GALNT13: variants seen among roughly 807,000 people sequenced by gnomAD.
GALNT13 encodes the protein UDP-GalNAc:polypeptide N-acetylgalactosaminyltransferase 13.
Under a neutral mutation model 64.2 loss-of-function variants are expected in GALNT13, and 28 were observed. That is an observed-to-expected ratio of 0.44 (90% CI 0.32 to 0.60). GALNT13 has a LOEUF of 0.60. Ranked by LOEUF, GALNT13 falls within the 20% of genes least tolerant of loss-of-function variation. GALNT13 has a pLI of 0.05. For synonymous variants in GALNT13, 214 were observed against 224.6 expected (o/e 0.95, Z 0.42); for missense variants, 577 against 669.8 (o/e 0.86, Z 1.53).
the GALNT13 span, among the ~76,000 whole-genome samples, chr2:153,742,884 AG>A: frequency 2.1e-3 from 316 of 148,248 alleles, 1 homozygote; most frequent in Middle Eastern, 7.0e-3. Flanking sequence ...GAAACATACT[AG>A]TGCAGTTGTT....
At chr2:153,213,813 G>A in the GALNT13 span, among the ~76,000 whole-genome samples, 5 of 152,156 alleles carry the variant, frequency 3.3e-5, no homozygotes, top group African/African-American at 1.2e-4. Flanking sequence ...ATGACAAATT[G>A]TAGGGCATTC....
At chr2:153,645,917 C>T in the GALNT13 span, among the ~76,000 whole-genome samples, 1 of 152,050 alleles carries the variant, frequency 6.6e-6, no homozygotes, top group African/African-American at 2.4e-5. Flanking sequence ...TAGTATTTTA[C>T]ACAAAATGTT....
chr2:154,253,151 G>T (rs1389594167), intron 7 of GALNT13, among the ~76,000 whole-genome samples: 1 of 152,098 alleles, frequency 6.6e-6, no homozygotes, highest in Non-Finnish European at 1.5e-5. Flanking sequence ...TGAAACTGAG[G>T]CACAGAGTTT....
chr2:154,094,132 G>A (rs1701957868), intron 3 of GALNT13, among the ~76,000 whole-genome samples: 1 of 151,778 alleles, frequency 6.6e-6, no homozygotes, highest in African/African-American at 2.4e-5. Flanking sequence ...TTTTTCCCAG[G>A]CCGATTTCTT....
At chr2:153,944,691 C>T in intron 3 of GALNT13, 52 bp downstream of exon 3, 2 of 1,462,820 alleles carry the variant, frequency 1.4e-6, no homozygotes, top group Non-Finnish European at 1.9e-6. Flanking sequence ...AAAAGTGGTG[C>T]CTTGACAAAA....
intron 3 of GALNT13, among the ~76,000 whole-genome samples, chr2:154,034,192 A>G (rs1698518106): frequency 6.6e-6 from 1 of 152,204 alleles, no homozygotes; most frequent in African/African-American, 2.4e-5. Context: ...AGCTTTATTT[A>G]TAATCACCAA....
intron 1 of GALNT13, among the ~76,000 whole-genome samples, chr2:153,889,007 C>T (rs992048558): frequency 3.9e-5 from 6 of 151,948 alleles, no homozygotes; most frequent in Non-Finnish European, 5.9e-5. Context: ...GTATTCTTCA[C>T]GAGCATGAAA....
At chr2:154,123,362 C>T (rs1243525597) in intron 3 of GALNT13, among the ~76,000 whole-genome samples, 1 of 151,920 alleles carries the variant, frequency 6.6e-6, no homozygotes, top group Non-Finnish European at 1.5e-5. Flanking sequence ...CTTGTTGATG[C>T]TACTATTATG....
At chr2:153,274,379 T>C in the GALNT13 span, among the ~76,000 whole-genome samples, 2 of 152,116 alleles carry the variant, frequency 1.3e-5, no homozygotes, top group Non-Finnish European at 2.9e-5. Flanking sequence ...TCTTGCTGTC[T>C]TGCACCACAA....
At chr2:154,216,687 T>G (rs1688059592) in intron 4 of GALNT13, among the ~76,000 whole-genome samples, 1 of 151,994 alleles carries the variant, frequency 6.6e-6, no homozygotes, top group African/African-American at 2.4e-5. Context: ...AGATTTATAT[T>G]CATGCCCATC....
chr2:153,092,466 C>T, the GALNT13 span, among the ~76,000 whole-genome samples: 3 of 152,096 alleles, frequency 2.0e-5, no homozygotes, highest in Non-Finnish European at 2.9e-5. Flanking sequence ...TGCTTCCAAT[C>T]CAAGAATGTG....
the GALNT13 span, among the ~76,000 whole-genome samples, chr2:153,383,201 A>G: frequency 6.6e-6 from 1 of 152,070 alleles, no homozygotes; most frequent in African/African-American, 2.4e-5. Context: ...TTTCTGGGGG[A>G]AAAATACAGC....
chr2:153,349,646 C>T, the GALNT13 span, among the ~76,000 whole-genome samples: 1 of 152,098 alleles, frequency 6.6e-6, no homozygotes, highest in East Asian at 1.9e-4. Flanking sequence ...TTGTATACTG[C>T]CAATGTGGAA....
At chr2:154,300,921 T>C (rs1239203785) in intron 8 of GALNT13, among the ~76,000 whole-genome samples, 1 of 152,184 alleles carries the variant, frequency 6.6e-6, no homozygotes, top group African/African-American at 2.4e-5. Flanking sequence ...CTTGAGCACC[T>C]ATAAAGGTGC....
At chr2:153,702,381 G>A in the GALNT13 span, among the ~76,000 whole-genome samples, 1 of 151,996 alleles carries the variant, frequency 6.6e-6, no homozygotes, top group Admixed American at 6.6e-5. Context: ...AAGATGATGG[G>A]TTAATAGGTG....
chr2:153,462,632 T>C, the GALNT13 span, among the ~76,000 whole-genome samples: 13 of 152,094 alleles, frequency 8.5e-5, no homozygotes, highest in African/African-American at 3.1e-4. Flanking sequence ...ACCAAAGTCA[T>C]TTCACACTCA....
the GALNT13 span, among the ~76,000 whole-genome samples, chr2:153,860,045 C>T: frequency 6.6e-6 from 1 of 151,948 alleles, no homozygotes; most frequent in African/African-American, 2.4e-5. Context: ...CTATATAATC[C>T]ACTTCTCAAT....
At chr2:153,424,691 G>C in the GALNT13 span, among the ~76,000 whole-genome samples, 5 of 151,814 alleles carry the variant, frequency 3.3e-5, no homozygotes. Context: ...CAGAAATTTG[G>C]TAGAGTAGTT....
chr2:153,542,867 AT>A, the GALNT13 span, among the ~76,000 whole-genome samples: 1 of 152,180 alleles, frequency 6.6e-6, no homozygotes, highest in Non-Finnish European at 1.5e-5. Flanking sequence ...AGTCATATAT[AT>A]TTTATATATG....
Sources: gnomAD v4.1 joint callset for allele counts (sites outside exome capture counted in the v4.1 genomes callset) on GRCh38, gnomAD v4.1.1 for gene constraint, MANE v1.5 for transcripts, NCBI Gene and HGNC (gene_info 2026-07-23, HGNC 2026-07-21) for gene names.